Variants in UNC5D observed in about 807,000 individuals in gnomAD.
UNC5D encodes the protein netrin receptor UNC5D.
Under a neutral mutation model 105.4 loss-of-function variants are expected in UNC5D, and 39 were observed. The observed-to-expected ratio is 0.37, with a 90% CI of 0.29 to 0.48. UNC5D has a LOEUF of 0.48. Ranked by LOEUF, UNC5D falls within the 20% of genes least tolerant of loss-of-function variation. The pLI, the probability that UNC5D is intolerant of heterozygous loss-of-function variation, is 0.98. For missense variants in UNC5D, 991 were observed against 1,202.4 expected, an observed-to-expected ratio of 0.82 and a Z score of 2.60; for synonymous variants, 452 against 450.4, an observed-to-expected ratio of 1.00 and a Z score of -0.04.
At chr8:35,392,786 G>A (rs911700776) in intron 1 of UNC5D, among the ~76,000 whole-genome samples, 1 of 152,118 alleles carries the variant, frequency 6.6e-6, no homozygotes, top group Non-Finnish European at 1.5e-5. Flanking sequence ...TATGGAAGAT[G>A]GATTTCACAG....
intron 4 of UNC5D, among the ~76,000 whole-genome samples, chr8:35,676,507 G>A (rs1825233360): frequency 6.6e-6 from 1 of 152,174 alleles, no homozygotes; most frequent in Admixed American, 6.5e-5. Flanking sequence ...TAGCCACAAG[G>A]TGGTCAATTT....
chr8:35,348,932 CAATA>C (rs912229450), intron 1 of UNC5D, among the ~76,000 whole-genome samples: 1 of 151,672 alleles, frequency 6.6e-6, no homozygotes, highest in African/African-American at 2.4e-5. Flanking sequence ...CATTTAGAAA[CAATA>C]AAACCCATTA....
chr8:35,570,884 G>A (rs1214207993), intron 3 of UNC5D, among the ~76,000 whole-genome samples: 1 of 151,954 alleles, frequency 6.6e-6, no homozygotes, highest in Non-Finnish European at 1.5e-5. Flanking sequence ...CTTGAACCCG[G>A]GAGGCAGAGT....
At chr8:35,402,519 G>A (rs1416080244) in intron 1 of UNC5D, among the ~76,000 whole-genome samples, 1 of 152,090 alleles carries the variant, frequency 6.6e-6, no homozygotes, top group Non-Finnish European at 1.5e-5. Context: ...CAATTCAAGA[G>A]GAGACTTGGG....
At chr8:35,555,781 G>A (rs898454837) in intron 2 of UNC5D, among the ~76,000 whole-genome samples, 9 of 150,202 alleles carry the variant, frequency 6.0e-5, no homozygotes, top group Non-Finnish European at 1.3e-4. Flanking sequence ...AGCTGAGATC[G>A]CACCACTGTA....
intron 1 of UNC5D, among the ~76,000 whole-genome samples, chr8:35,481,496 C>T (rs190391771): frequency 1.3e-3 from 200 of 152,304 alleles, no homozygotes; most frequent in Non-Finnish European, 1.9e-3. Context: ...TGTACCAGGT[C>T]TTCAGCCCCT....
chr8:35,275,262 A>G (rs2128841233), intron 1 of UNC5D, among the ~76,000 whole-genome samples: 1 of 151,896 alleles, frequency 6.6e-6, no homozygotes, highest in African/African-American at 2.4e-5. Context: ...TATCTTTCCT[A>G]CTACCCTTCC....
intron 12 of UNC5D, among the ~76,000 whole-genome samples, chr8:35,749,990 A>T (rs936606556): frequency 0.075 from 57 of 758 alleles, no homozygotes; most frequent in Non-Finnish European, 0.41. Flanking sequence ...AAATAGTTGT[A>T]AAAAAAAAAA....
At chr8:35,549,996 A>T (rs1304145806) in intron 2 of UNC5D, among the ~76,000 whole-genome samples, 1 of 146,078 alleles carries the variant, frequency 6.8e-6, no homozygotes, top group Non-Finnish European at 1.5e-5. Context: ...GCAGATCCCA[A>T]ATTAGATTAC....
chr8:35,668,217 TG>T (rs1254133452), intron 4 of UNC5D, among the ~76,000 whole-genome samples: 2 of 152,250 alleles, frequency 1.3e-5, no homozygotes, highest in Non-Finnish European at 2.9e-5. Flanking sequence ...CTCCTTTATA[TG>T]ATCTATTCAA....
intron 4 of UNC5D, among the ~76,000 whole-genome samples, chr8:35,629,394 T>C (rs761987135): frequency 6.6e-6 from 1 of 152,202 alleles, no homozygotes; most frequent in Non-Finnish European, 1.5e-5. Context: ...ATGGGTTTTT[T>C]TTTCTTGTTG....
intron 1 of UNC5D, among the ~76,000 whole-genome samples, chr8:35,419,587 GCT>G (rs1805755906): frequency 6.6e-6 from 1 of 152,178 alleles, no homozygotes; most frequent in African/African-American, 2.4e-5. Context: ...GGCTGTTACA[GCT>G]CTCTCTCCTT....
chr8:35,472,693 G>GT (rs1370064806), intron 1 of UNC5D, among the ~76,000 whole-genome samples: 1 of 152,190 alleles, frequency 6.6e-6, no homozygotes, highest in Non-Finnish European at 1.5e-5. Flanking sequence ...CAGAAACCCT[G>GT]AACGGAGAAT....
intron 2 of UNC5D, among the ~76,000 whole-genome samples, chr8:35,564,319 C>T (rs1685155502): frequency 6.6e-6 from 1 of 152,066 alleles, no homozygotes; most frequent in Admixed American, 6.6e-5. Flanking sequence ...GGTGAGACTC[C>T]ACTTCTCAAA....
intron 2 of UNC5D, among the ~76,000 whole-genome samples, chr8:35,565,812 T>C (rs932594369): frequency 6.6e-6 from 1 of 152,210 alleles, no homozygotes; most frequent in Non-Finnish European, 1.5e-5. Context: ...GCACCATTTA[T>C]TGAATTAGGG....
intron 1 of UNC5D, among the ~76,000 whole-genome samples, chr8:35,410,402 T>C (rs2128957268): frequency 6.6e-6 from 1 of 152,186 alleles, no homozygotes; most frequent in East Asian, 1.9e-4. Context: ...ATGGAAGGGT[T>C]TGTTTCTTCT....
intron 15 of UNC5D, among the ~76,000 whole-genome samples, chr8:35,773,527 C>T (rs952294741): frequency 1.3e-5 from 2 of 152,096 alleles, no homozygotes; most frequent in Non-Finnish European, 2.9e-5. Context: ...TTGTAGATTT[C>T]CTACAAGGCA....
At chr8:35,652,262 TA>T (rs527643541) in intron 4 of UNC5D, among the ~76,000 whole-genome samples, 11 of 152,084 alleles carry the variant, frequency 7.2e-5, no homozygotes, top group East Asian at 3.9e-4. Flanking sequence ...GGAAGATGGC[TA>T]AAAAAAACAT....
intron 1 of UNC5D, among the ~76,000 whole-genome samples, chr8:35,484,213 G>A (rs1028550012): frequency 2.0e-5 from 3 of 152,248 alleles, no homozygotes; most frequent in Non-Finnish European, 2.9e-5. Context: ...AGGGAAAAGA[G>A]AAACAACAAC....
Sources: gnomAD v4.1 joint callset for allele counts (sites outside exome capture counted in the v4.1 genomes callset) on GRCh38, gnomAD v4.1.1 for gene constraint, MANE v1.5 for transcripts, NCBI Gene and HGNC (gene_info 2026-07-23, HGNC 2026-07-21) for gene names.